TSNARE1: variants seen among roughly 807,000 people sequenced by gnomAD.
TSNARE1 encodes t-SNARE domain containing 1, also known as t-SNARE domain-containing protein 1.
Under a neutral mutation model 62.0 loss-of-function variants are expected in TSNARE1, and 49 were observed. That is an observed-to-expected ratio of 0.79 (90% CI 0.63 to 1.00). The LOEUF (loss-of-function observed/expected upper bound fraction) is 1.00, where lower values mean the gene tolerates loss of function less well. Ranked by LOEUF, TSNARE1 falls within the 50% of genes least tolerant of loss-of-function variation. The probability of loss-of-function intolerance (pLI) is 0.00; values close to 1 mark genes in which losing one functional copy is unlikely to be tolerated. For missense variants in TSNARE1, 755 were observed against 700.1 expected, an observed-to-expected ratio of 1.08 and a Z score of -0.88; for synonymous variants, 328 against 294.4, an observed-to-expected ratio of 1.11 and a Z score of -1.17.
At chr8:142,359,063 G>A (rs1360445591) in intron 1 of TSNARE1, among the ~76,000 whole-genome samples, 1 of 152,032 alleles carries the variant, frequency 6.6e-6, no homozygotes, top group East Asian at 1.9e-4. Context: ...GTTTCACCCA[G>A]GCTGCCTCCC....
chr8:142,329,540 G>A (rs1437226554), intron 6 of TSNARE1, among the ~76,000 whole-genome samples: 1 of 152,192 alleles, frequency 6.6e-6, no homozygotes, highest in Non-Finnish European at 1.5e-5. Flanking sequence ...CCACCACACT[G>A]AAGAGACGGG....
intron 1 of TSNARE1, among the ~76,000 whole-genome samples, chr8:142,366,724 G>C (rs1835574085): frequency 6.6e-6 from 1 of 152,166 alleles, no homozygotes; most frequent in Non-Finnish European, 1.5e-5. Context: ...AGAAAACAAA[G>C]GTGCCAGCTA....
intron 12 of TSNARE1, among the ~76,000 whole-genome samples, chr8:142,263,295 C>T (rs1047108524): frequency 1.2e-4 from 19 of 152,178 alleles, no homozygotes; most frequent in African/African-American, 4.6e-4. Flanking sequence ...CTTATTTCTT[C>T]TATTCCAGTG....
intron 4 of TSNARE1, among the ~76,000 whole-genome samples, chr8:142,336,156 C>T (rs1286677810): frequency 6.6e-6 from 1 of 151,936 alleles, no homozygotes; most frequent in South Asian, 2.1e-4. Flanking sequence ...TGATGTACAC[C>T]TGCAGTCTCA....
At chr8:142,270,116 C>T (rs1022499013) in intron 12 of TSNARE1, 1 of 985,354 alleles carries the variant, frequency 1.0e-6, no homozygotes. Flanking sequence ...AAGGCCCGGG[C>T]TGGTCCCACC....
At chr8:142,266,519 CTT>C (rs1386172176) in intron 12 of TSNARE1, among the ~76,000 whole-genome samples, 2 of 152,200 alleles carry the variant, frequency 1.3e-5, no homozygotes, top group Non-Finnish European at 2.9e-5. Flanking sequence ...TTGACAGCGA[CTT>C]TCTCTCAATA....
intron 5 of TSNARE1, 63 bp downstream of exon 5, chr8:142,331,691 T>A (rs754786238): frequency 6.7e-7 from 1 of 1,484,692 alleles, no homozygotes. Flanking sequence ...TCGCCTCCAA[T>A]GTCGCATCAG....
Position 142,273,937 on chromosome 8 carries a change from T to C in TSNARE1, c.1446+844A>G, listed in dbSNP as rs116524611. 2.4e-3 allele frequency: 2,358 copies of C among 985,018 alleles called. 46 individuals are homozygous for C. In the African/African-American group the frequency reaches 0.039, roughly 16 times the overall value. The allele number at this position is 985,018 out of a possible 1,614,324, so 61.0% of individuals were successfully genotyped here. A position where few individuals can be genotyped will look rare whatever the true frequency, so the allele number is the denominator to read the frequency against. On this transcript the variant is annotated intron_variant, in intron 12 of 13. Transcript: ENST00000524325. ...TGTCCTGGGCTCGTCTGGCTGCTCC[T>C]GGACCCTGGCCTCACACCCACTGCA... is the stretch of plus-strand genomic sequence containing the variant.
chr8:142,285,906 T>C (rs1475100977), intron 10 of TSNARE1, among the ~76,000 whole-genome samples: 6 of 152,158 alleles, frequency 3.9e-5, no homozygotes, highest in Admixed American at 3.3e-4. Flanking sequence ...GCAAGGCACA[T>C]ACCATCCCCT....
chr8:142,351,677 A>C (rs1834108848), intron 2 of TSNARE1, among the ~76,000 whole-genome samples: 1 of 152,210 alleles, frequency 6.6e-6, no homozygotes, highest in Admixed American at 6.5e-5. Flanking sequence ...AAAAATAAGA[A>C]GGGCACTTTG....
chr8:142,361,414 C>G lies in TSNARE1; in HGVS notation c.-39-6651G>C, dbSNP rs75838296. On this transcript the variant is annotated intron_variant, in intron 1 of 13. Coordinates refer to ENST00000524325, the MANE Select transcript of TSNARE1 (RefSeq NM_145003.5). Reference sequence around the variant, plus strand: ...ACGGGCTCCTCGGGCGAGCCCAGGGCTGAGCCGCCAACCAGGACACACGGC... The same window carrying G: ...ACGGGCTCCTCGGGCGAGCCCAGGGGTGAGCCGCCAACCAGGACACACGGC... 9.8e-3 allele frequency among the ~76,000 whole-genome samples: 1,495 copies of G among 152,326 alleles called. 13 individuals carry two copies. The highest frequency in any genetic ancestry group is 0.02 in the East Asian group (105 of 5,160).
rs1450943631 is a variant in TSNARE1, at chr8:142,223,138, T to C, written c.*11+6335A>G. Among the ~76,000 whole-genome samples, 21 of 76,776 alleles carry C rather than the reference T, an allele frequency of 2.7e-4. 3 individuals carry two copies. The highest frequency in any genetic ancestry group is 5.7e-4 in the African/African-American group (14 of 24,430). 50.4% of individuals were successfully genotyped at this position (76,776 alleles called of 152,430 possible). On this transcript the variant is annotated intron_variant, in intron 13 of 13. Transcript: ENST00000524325. ...TTCACTCATTCACTCATTCACTCAT[T>C]CACTCATCCACTCACTCATTCACTC...
In TSNARE1 at chr8:142,222,712, TCATC is replaced by T. The variant is rs1343323617; in HGVS notation, c.*11+6757_*11+6760del. Among the ~76,000 whole-genome samples, 115 of 55,416 alleles carry T rather than the reference TCATC, an allele frequency of 2.1e-3. 4 individuals are homozygous for T. The highest frequency in any genetic ancestry group is 2.6e-3 in the Non-Finnish European group (54 of 20,498). The allele number at this position is 55,416 out of a possible 152,430, so 36.4% of individuals were successfully genotyped here. A position where few individuals can be genotyped will look rare whatever the true frequency, so the allele number is the denominator to read the frequency against. ...CTCACTCACTCATCCACTCACTCACTCATCCACTCACTCACTCATCCACTCACTC... is the reference window on the plus strand; with the variant it reads ...CTCACTCACTCATCCACTCACTCACTCACTCACTCACTCATCCACTCACTC... On this transcript the variant is annotated intron_variant, in intron 13 of 13. Coordinates refer to ENST00000524325, the MANE Select transcript of TSNARE1 (RefSeq NM_145003.5).
intron 6 of TSNARE1, among the ~76,000 whole-genome samples, chr8:142,328,323 C>A (rs1165777769): frequency 6.6e-6 from 1 of 152,138 alleles, no homozygotes; most frequent in Non-Finnish European, 1.5e-5. Context: ...CAAGCATGTC[C>A]CAGCTCACAG....
At chr8:142,276,511 G>A (rs967786399) in intron 11 of TSNARE1, 4 of 985,356 alleles carry the variant, frequency 4.1e-6, no homozygotes, top group African/African-American at 1.7e-5. Flanking sequence ...GTTGCTGAGA[G>A]GTGAATGTGG....
At chr8:142,365,646 G>T (rs1282707025) in intron 1 of TSNARE1, among the ~76,000 whole-genome samples, 1 of 139,820 alleles carries the variant, frequency 7.2e-6, no homozygotes, top group Non-Finnish European at 1.6e-5. Context: ...AGAGAGAGAG[G>T]GGAACAAAGA....
chr8:142,339,776 A>G (rs896906820), intron 4 of TSNARE1, among the ~76,000 whole-genome samples: 1 of 152,250 alleles, frequency 6.6e-6, no homozygotes, highest in Non-Finnish European at 1.5e-5. Flanking sequence ...CATCAAAGAC[A>G]AGGCTCGCTC....
chr8:142,390,149 T>C (rs973813452), intron 1 of TSNARE1, among the ~76,000 whole-genome samples: 1 of 152,262 alleles, frequency 6.6e-6, no homozygotes, highest in African/African-American at 2.4e-5. Context: ...TGAACGGGGC[T>C]TGCAGGACTA....
At chr8:142,257,220 G>T (rs998076437) in intron 12 of TSNARE1, among the ~76,000 whole-genome samples, 2 of 152,214 alleles carry the variant, frequency 1.3e-5, no homozygotes, top group African/African-American at 2.4e-5. Flanking sequence ...CTCTCTGACT[G>T]CAGCCCACCC....
Sources: allele counts gnomAD v4.1 joint callset (sites outside exome capture counted in the v4.1 genomes callset), GRCh38; gene constraint gnomAD v4.1.1; transcripts MANE v1.5; gene names NCBI Gene and HGNC (gene_info 2026-07-23, HGNC 2026-07-21).